GSAP: variants seen among roughly 807,000 people sequenced by gnomAD.
The protein encoded by GSAP is gamma-secretase-activating protein.
Under a neutral mutation model 131.7 loss-of-function variants are expected in GSAP, and 118 were observed. The observed-to-expected ratio is 0.90, with a 90% CI of 0.77 to 1.04. The LOEUF (loss-of-function observed/expected upper bound fraction) is 1.04, where lower values mean the gene tolerates loss of function less well. GSAP is among the 50% of genes least tolerant of loss of function. The pLI is 0.00. For synonymous variants in GSAP, 381 were observed against 363.4 expected (o/e 1.05, Z -0.55); for missense variants, 1,019 against 1,013.2 (o/e 1.01, Z -0.08).
rs1792394000 is a variant in GSAP at position 77,349,201 on chromosome 7, T to C, written c.1545+150A>G. 6.3e-6 allele frequency: 4 copies of C among 638,472 alleles called. No individual in the cohort carries two copies. The South Asian group carries it at 7.3e-5, about 12-fold the overall frequency. The allele number at this position is 638,472 out of a possible 1,614,324, so 39.6% of individuals were successfully genotyped here. A position where few individuals can be genotyped will look rare whatever the true frequency, so the allele number is the denominator to read the frequency against. On this transcript the variant is annotated intron_variant, in intron 19 of 30. Coordinates refer to ENST00000257626, the MANE Select transcript of GSAP (RefSeq NM_017439.4). ...ACCATACTCAGTGATCACTCACCCA[T>C]GTAGGAAGGATTCTCCAGAAAACCC...
At chr7:77,360,708 T>G in intron 14 of GSAP, 116 bp downstream of exon 14, 1 of 620,282 alleles carries the variant, frequency 1.6e-6, no homozygotes, top group Non-Finnish European at 3.0e-6. Context: ...TCATTGATTG[T>G]CATCACAATC....
At chr7:77,400,047 C>T (rs530389079) in intron 3 of GSAP, among the ~76,000 whole-genome samples, 3 of 152,270 alleles carry the variant, frequency 2.0e-5, no homozygotes, top group African/African-American at 7.2e-5. Flanking sequence ...ACTATAACCA[C>T]CCTAAGTCCA....
intron 26 of GSAP, among the ~76,000 whole-genome samples, chr7:77,320,473 A>G (rs1179874414): frequency 6.6e-6 from 1 of 152,174 alleles, no homozygotes; most frequent in East Asian, 1.9e-4. Context: ...TACTAGTTCA[A>G]ATTATCCTAG....
chr7:77,378,510 C>T (rs1467196700), intron 8 of GSAP, among the ~76,000 whole-genome samples: 7 of 147,580 alleles, frequency 4.7e-5, no homozygotes, highest in Non-Finnish European at 1.0e-4. Flanking sequence ...AAAAACAAAA[C>T]AAAAAACAAC....
rs755907258 is a variant in GSAP, at chr7:77,360,911, G to C, written c.950-10C>G. 9.1e-6 allele frequency: 14 copies of C among 1,530,868 alleles called. No individual in the cohort carries two copies. Among genetic ancestry groups the C allele is most frequent in the Admixed American group, 6.7e-5 (4 of 59,836 alleles). 94.8% of individuals were successfully genotyped at this position (1,530,868 alleles called of 1,614,324 possible). A position where few individuals can be genotyped will look rare whatever the true frequency, so the allele number is the denominator to read the frequency against. On this transcript the variant is annotated splice_polypyrimidine_tract_variant and intron_variant, in intron 13 of 30. Transcript: ENST00000257626. ...AAGGTCTTGCTGTGTCCTGCAAAGA[G>C]AGAATATGAAGCCAGAGAATGTTAA...
intron 12 of GSAP, among the ~76,000 whole-genome samples, chr7:77,364,501 A>C (rs1355933364): frequency 7.9e-6 from 1 of 127,104 alleles, no homozygotes; most frequent in Non-Finnish European, 1.6e-5. Context: ...GAAGGGGAAC[A>C]TCACACTCTG....
At chr7:77,359,891 T>C (rs1378015295) in intron 14 of GSAP, among the ~76,000 whole-genome samples, 1 of 152,198 alleles carries the variant, frequency 6.6e-6, no homozygotes, top group Non-Finnish European at 1.5e-5. Context: ...AAACCTTCTA[T>C]AATATTTCTC....
At chr7:77,398,187 C>T (rs771325421) in intron 3 of GSAP, among the ~76,000 whole-genome samples, 12 of 151,976 alleles carry the variant, frequency 7.9e-5, no homozygotes, top group Non-Finnish European at 1.5e-4. Flanking sequence ...AGAAGAGAAC[C>T]GACTAAGAGA....
chr7:77,311,101 G>A lies in GSAP; in HGVS notation c.*257C>T, dbSNP rs892122482. The A allele has an allele frequency of 5.6e-6, 2 of 356,998 alleles. No homozygotes were observed. Among genetic ancestry groups the A allele is most frequent in the African/African-American group, 4.1e-5 (2 of 48,436 alleles). 22.1% of individuals were successfully genotyped at this position (356,998 alleles called of 1,614,324 possible). A position where few individuals can be genotyped will look rare whatever the true frequency, so the allele number is the denominator to read the frequency against. ...GTGGCCTATTAAGCTACTAGGAAGA[G>A]CATCGTTTATGCCACTGTATGCCTT... is the stretch of plus-strand genomic sequence containing the variant. On this transcript the variant is annotated 3_prime_UTR_variant, in exon 31 of 31. Coordinates refer to ENST00000257626, the MANE Select transcript of GSAP (RefSeq NM_017439.4).
chr7:77,415,713 G>A (rs1804269166), intron 1 of GSAP: 1 of 152,552 alleles, frequency 6.6e-6, no homozygotes, highest in African/African-American at 2.4e-5. Flanking sequence ...ACATAAACAC[G>A]TCTCGCAAAT....
At chr7:77,411,098 TAAA>T (rs57255266) in intron 1 of GSAP, among the ~76,000 whole-genome samples, 26 of 108,832 alleles carry the variant, frequency 2.4e-4, no homozygotes, top group African/African-American at 6.5e-4. Flanking sequence ...AAGAAAATAG[TAAA>T]AAAAAAAAAA....
At chr7:77,394,824 G>A (rs763427690) in intron 5 of GSAP, among the ~76,000 whole-genome samples, 1 of 152,182 alleles carries the variant, frequency 6.6e-6, no homozygotes, top group African/African-American at 2.4e-5. Flanking sequence ...ACATGTGTAG[G>A]CAGTAAATAG....
At chr7:77,409,413 C>T (rs1185816983) in intron 1 of GSAP, among the ~76,000 whole-genome samples, 1 of 152,134 alleles carries the variant, frequency 6.6e-6, no homozygotes, top group African/African-American at 2.4e-5. Flanking sequence ...TCCAGGCCTA[C>T]TATACTTTTC....
chr7:77,361,017 A>G, intron 13 of GSAP, 116 bp from the exon 14 acceptor site: 1 of 650,326 alleles, frequency 1.5e-6, no homozygotes, highest in East Asian at 2.7e-5. Flanking sequence ...GTAAGCAGGC[A>G]TCTTCAGACT....
intron 19 of GSAP, 135 bp downstream of exon 19, chr7:77,349,216 C>G: frequency 1.5e-6 from 1 of 663,024 alleles, no homozygotes; most frequent in Non-Finnish European, 2.7e-6. Flanking sequence ...GAAGGATTCT[C>G]CAGAAAACCC....
In GSAP at chr7:77,376,789, AAAAAAAG is replaced by A. The variant is rs1278627115; in HGVS notation, c.741+52_741+58del. 2,153 of 693,910 alleles carry A rather than the reference AAAAAAAG, an allele frequency of 3.1e-3. 8 individuals carry two copies. In the East Asian group the frequency reaches 0.059, roughly 19 times the overall value. The allele number at this position is 693,910 out of a possible 1,614,324, so 43.0% of individuals were successfully genotyped here. ...AGACTCCATCTCAAAAAAAAAAAAA[AAAAAAAG>A]AGAGTAATGTATCATAAACTTTCCT... On this transcript the variant is annotated intron_variant, in intron 10 of 30. Coordinates refer to ENST00000257626, the MANE Select transcript of GSAP (RefSeq NM_017439.4).
At chr7:77,381,726 C>T (rs953462581) in intron 7 of GSAP, among the ~76,000 whole-genome samples, 3 of 151,944 alleles carry the variant, frequency 2.0e-5, no homozygotes, top group Admixed American at 6.6e-5. Context: ...CTTCAATTCC[C>T]AAATACCAAA....
intron 9 of GSAP, 28 bp downstream of exon 9, chr7:77,377,258 A>G: frequency 1.4e-6 from 2 of 1,400,722 alleles, no homozygotes; most frequent in Admixed American, 2.5e-5. Context: ...AAAAAAAAAA[A>G]GGAGTGCCCG....
At chr7:77,416,362 C>T (rs542847766), upstream of GSAP, 5 of 1,203,144 alleles carry the variant, frequency 4.2e-6, no homozygotes, top group East Asian at 9.5e-5. Context: ...GGCCCCGCAC[C>T]GCGGGCATTC....
Sources: gnomAD v4.1 joint callset for allele counts (sites outside exome capture counted in the v4.1 genomes callset) on GRCh38, gnomAD v4.1.1 for gene constraint, MANE v1.5 for transcripts, NCBI Gene and HGNC (gene_info 2026-07-23, HGNC 2026-07-21) for gene names.